Variants in ZCCHC4 observed in about 807,000 individuals in gnomAD.
The protein encoded by ZCCHC4 is zinc finger CCHC-type containing 4, also known as rRNA N(6)-adenosine-methyltransferase ZCCHC4.
A neutral mutation model predicts 67.7 loss-of-function variants in ZCCHC4; 54 were observed. The observed-to-expected ratio is 0.80, with a 90% confidence interval of 0.64 to 1.00. The LOEUF is 1.00. Ranked by LOEUF, ZCCHC4 falls within the 50% of genes least tolerant of loss-of-function variation. The pLI is 0.00. For missense variants in ZCCHC4, 609 were observed against 617.0 expected (o/e 0.99, Z 0.14); for synonymous variants, 198 against 213.5 (o/e 0.93, Z 0.63).
At chr4:25,327,461 C>T (rs1193727906) in intron 3 of ZCCHC4, among the ~76,000 whole-genome samples, 7 of 139,386 alleles carry the variant, frequency 5.0e-5, no homozygotes, top group South Asian at 2.5e-4. Flanking sequence ...TTACTTGCTT[C>T]GTCCCCCACC....
chr4:25,326,517 T>G (rs1235833823), intron 3 of ZCCHC4, among the ~76,000 whole-genome samples: 1 of 152,200 alleles, frequency 6.6e-6, no homozygotes, highest in Non-Finnish European at 1.5e-5. Context: ...TTATATGTGT[T>G]TTTTTTTCTG....
At chr4:25,355,536 CTT>C (rs1325326718) in intron 8 of ZCCHC4, among the ~76,000 whole-genome samples, 1 of 152,102 alleles carries the variant, frequency 6.6e-6, no homozygotes, top group East Asian at 1.9e-4. Context: ...TCTGCTCTCT[CTT>C]GTATGTACTT....
intron 3 of ZCCHC4, among the ~76,000 whole-genome samples, chr4:25,322,930 G>A (rs1247577616): frequency 6.6e-6 from 1 of 152,172 alleles, no homozygotes; most frequent in East Asian, 1.9e-4. Flanking sequence ...CATTTGCAAA[G>A]AATAATCAAC....
At chr4:25,321,144 G>A (rs1485970655) in intron 3 of ZCCHC4, among the ~76,000 whole-genome samples, 1 of 152,010 alleles carries the variant, frequency 6.6e-6, no homozygotes, top group Non-Finnish European at 1.5e-5. Context: ...TTTCAACCAG[G>A]TATATTTTTT....
chr4:25,349,741 C>T, intron 7 of ZCCHC4, 99 bp downstream of exon 7: 1 of 1,265,112 alleles, frequency 7.9e-7, no homozygotes, highest in Non-Finnish European at 1.1e-6. Context: ...ATAGAATATA[C>T]ATGTCTTGAG....
At position 25,369,083 on chromosome 4, in the gene ZCCHC4, G is replaced by A. The variant is rs1340668735; in HGVS notation, c.1461G>A (p.Thr487=). 1.4e-5 allele frequency: 23 copies of A among 1,613,670 alleles called. No homozygotes were observed. Among genetic ancestry groups the A allele is most frequent in the Non-Finnish European group, 1.7e-5 (20 of 1,179,950 alleles). The part of the protein sequence containing the change: ...RKSNKMKMET[T]KGQSMNHTSA... ...GTAATAAGATGAAAATGGAGACCACGAAAGGACAATCCATGAATCATACAT... is the reference window on the plus strand; with the variant it reads ...GTAATAAGATGAAAATGGAGACCACAAAAGGACAATCCATGAATCATACAT... Residue 487 remains threonine, a synonymous_variant, in exon 13 of 13, where the codon ACG becomes ACA. Transcript: ENST00000302874.
Position 25,320,381 on chromosome 4 carries a change from A to G in ZCCHC4, c.329+4981A>G, listed in dbSNP as rs1718518838. Among the ~76,000 whole-genome samples, 3 of 152,146 alleles carry G rather than the reference A, an allele frequency of 2.0e-5. No homozygotes were observed. The South Asian group carries it at 6.2e-4, about 32-fold the overall frequency. Reference sequence around the variant, plus strand: ...ATTTGGTTATTTTTTTTCAGATCTCATTTAAACTGAGATTTTCAAGGTCTG... The same window carrying G: ...ATTTGGTTATTTTTTTTCAGATCTCGTTTAAACTGAGATTTTCAAGGTCTG... On this transcript the variant is annotated intron_variant, in intron 3 of 12. Coordinates refer to ENST00000302874, the MANE Select transcript of ZCCHC4 (RefSeq NM_024936.3).
intron 3 of ZCCHC4, among the ~76,000 whole-genome samples, chr4:25,331,714 C>T (rs994758145): frequency 1.3e-5 from 2 of 152,168 alleles, no homozygotes; most frequent in Non-Finnish European, 2.9e-5. Flanking sequence ...AGGGCCCTTT[C>T]TTCTACTGGC....
chr4:25,347,777 A>G (rs1287881687), intron 6 of ZCCHC4, among the ~76,000 whole-genome samples: 1 of 152,230 alleles, frequency 6.6e-6, no homozygotes, highest in African/African-American at 2.4e-5. Flanking sequence ...TGCAAATCAT[A>G]GAGTCTTTAA....
chr4:25,326,785 A>C (rs1416094773), intron 3 of ZCCHC4, among the ~76,000 whole-genome samples: 1 of 152,248 alleles, frequency 6.6e-6, no homozygotes, highest in East Asian at 1.9e-4. Flanking sequence ...TTTGGGGAGA[A>C]TTGACATCTT....
intron 3 of ZCCHC4, among the ~76,000 whole-genome samples, chr4:25,327,431 TCCTTCC>T (rs1718949037): frequency 8.6e-6 from 1 of 116,818 alleles, no homozygotes; most frequent in African/African-American, 3.3e-5. Flanking sequence ...CCTCCTTCCC[TCCTTCC>T]TTCCGTTCCT....
In ZCCHC4 at chr4:25,332,297, CAA is replaced by C. The variant is rs35606314; in HGVS notation, c.330-867_330-866del. ...CACTCTAGCCTGGGTGACTCCATCT[CAA>C]AAAAAAAAAAAAAAAAAAGATATGA... is the stretch of plus-strand genomic sequence containing the variant. On this transcript the variant is annotated intron_variant, in intron 3 of 12. Coordinates refer to ENST00000302874, the MANE Select transcript of ZCCHC4 (RefSeq NM_024936.3). Among the ~76,000 whole-genome samples the C allele has an allele frequency of 2.2e-3, 210 of 94,020 alleles. 1 individual carries two copies. The highest frequency in any genetic ancestry group is 6.5e-3 in the African/African-American group (157 of 24,198). The allele number at this position is 94,020 out of a possible 152,430, so 61.7% of individuals were successfully genotyped here.
At chr4:25,327,337 A>G (rs1208564669) in intron 3 of ZCCHC4, among the ~76,000 whole-genome samples, 1 of 152,046 alleles carries the variant, frequency 6.6e-6, no homozygotes, top group Non-Finnish European at 1.5e-5. Flanking sequence ...GCCCTTTATC[A>G]GATTGTAGAA....
chr4:25,342,482 A>G (rs138974305), intron 5 of ZCCHC4, among the ~76,000 whole-genome samples: 48 of 152,346 alleles, frequency 3.2e-4, no homozygotes, highest in African/African-American at 1.2e-3. Flanking sequence ...TAATTTTAGC[A>G]TGAAAGATGT....
chr4:25,370,346 C>T lies in ZCCHC4; in HGVS notation c.*1182C>T, dbSNP rs1408147231. ...ATAATGGGGAGAATAACAGCTATACCTGAGGTTTGTTTTGTGATTAAATTA... is the reference window on the plus strand; with the variant it reads ...ATAATGGGGAGAATAACAGCTATACTTGAGGTTTGTTTTGTGATTAAATTA... On this transcript the variant is annotated 3_prime_UTR_variant, in exon 13 of 13. Coordinates refer to ENST00000302874, the MANE Select transcript of ZCCHC4 (RefSeq NM_024936.3). 2 of 152,070 alleles carry T rather than the reference C, an allele frequency of 1.3e-5. No individual in the cohort carries two copies. The highest frequency in any genetic ancestry group is 2.9e-5 in the Non-Finnish European group (2 of 68,022). 9.4% of individuals were successfully genotyped at this position (152,070 alleles called of 1,614,324 possible). A position where few individuals can be genotyped will look rare whatever the true frequency, so the allele number is the denominator to read the frequency against.
At chr4:25,358,449 T>C (rs1157142385) in intron 8 of ZCCHC4, among the ~76,000 whole-genome samples, 1 of 152,228 alleles carries the variant, frequency 6.6e-6, no homozygotes, top group Non-Finnish European at 1.5e-5. Context: ...AGTTCTTGAA[T>C]ACACAATAGA....
Position 25,324,014 on chromosome 4 carries a change from G to GTGTTTTTTTTTTTT in ZCCHC4, c.329+8615_329+8616insGTTTTTTTTTTTTT, listed in dbSNP as rs1553895905. ...TCGTACAGTATGTACTGTTTTTTGTGTTTTTTTTTTTTTTTTGAGACAGAG... is the reference window on the plus strand; with the variant it reads ...TCGTACAGTATGTACTGTTTTTTGTGTGTTTTTTTTTTTTTTTTTTTTTTTTTTTTGAGACAGAG... On this transcript the variant is annotated intron_variant, in intron 3 of 12. Transcript: ENST00000302874. Among the ~76,000 whole-genome samples, 32 of 82,424 alleles carry GTGTTTTTTTTTTTT rather than the reference G, an allele frequency of 3.9e-4. 1 individual carries two copies. Among genetic ancestry groups the GTGTTTTTTTTTTTT allele is most frequent in the East Asian group, 3.2e-3 (9 of 2,810 alleles). 54.1% of individuals were successfully genotyped at this position (82,424 alleles called of 152,430 possible).
In ZCCHC4 at chr4:25,320,913, T is replaced by C. The variant is rs75740992; in HGVS notation, c.329+5513T>C. Among the ~76,000 whole-genome samples, 679 of 152,336 alleles carry C rather than the reference T, an allele frequency of 4.5e-3. 1 individual carries two copies. Among genetic ancestry groups the C allele is most frequent in the Middle Eastern group, 0.014 (4 of 294 alleles). On this transcript the variant is annotated intron_variant, in intron 3 of 12. Transcript: ENST00000302874. The stretch of plus-strand genomic sequence containing the variant: ...TTAAAAATGATTAAACTCAGCTCCT[T>C]ATGGTGAGTGAATCATCACCACATC...
At chr4:25,357,756 A>G (rs773670106) in intron 8 of ZCCHC4, among the ~76,000 whole-genome samples, 3 of 152,222 alleles carry the variant, frequency 2.0e-5, no homozygotes, top group Non-Finnish European at 1.5e-5. Flanking sequence ...TGTCAGGCTT[A>G]CCTGTACTGA....
Sources: gnomAD v4.1 joint callset for allele counts (sites outside exome capture counted in the v4.1 genomes callset) on GRCh38, gnomAD v4.1.1 for gene constraint, MANE v1.5 for transcripts, NCBI Gene and HGNC (gene_info 2026-07-23, HGNC 2026-07-21) for gene names.